TAFA4: variants seen among roughly 807,000 people sequenced by gnomAD.
TAFA4 encodes TAFA chemokine like family member 4.
In TAFA4, 20 loss-of-function variants were observed where a neutral mutation model predicts 21.1. That is an observed-to-expected ratio of 0.95 (90% CI 0.67 to 1.38). TAFA4 has a LOEUF of 1.38. TAFA4 is among the 40% of genes most tolerant of loss of function. TAFA4 has a pLI of 0.00. For missense variants in TAFA4, 211 were observed against 180.9 expected (o/e 1.17, Z -0.95); for synonymous variants, 71 against 67.4 (o/e 1.05, Z -0.26).
intron 3 of TAFA4, among the ~76,000 whole-genome samples, chr3:68,857,129 A>G (rs1432918149): frequency 2.0e-5 from 3 of 152,128 alleles, no homozygotes; most frequent in African/African-American, 7.2e-5. Context: ...TTATCCTTAT[A>G]TGTTCGAAAT....
At chr3:68,923,523 G>A (rs1366242324) in intron 1 of TAFA4, among the ~76,000 whole-genome samples, 1 of 152,094 alleles carries the variant, frequency 6.6e-6, no homozygotes, top group Non-Finnish European at 1.5e-5. Context: ...AGCAAAAATT[G>A]TCATGGCATT....
intron 3 of TAFA4, among the ~76,000 whole-genome samples, chr3:68,827,354 A>C (rs1308739601): frequency 6.6e-6 from 1 of 152,174 alleles, no homozygotes; most frequent in Non-Finnish European, 1.5e-5. Context: ...ATATGTGTGC[A>C]TATGTCTTTA....
chr3:68,844,812 A>G (rs1704746778), intron 3 of TAFA4, among the ~76,000 whole-genome samples: 1 of 152,174 alleles, frequency 6.6e-6, no homozygotes, highest in South Asian at 2.1e-4. Flanking sequence ...TTCAGTTTCC[A>G]TGCATTTGCG....
Position 68,793,485 on chromosome 3 carries a change from C to T in TAFA4, c.131-40467G>A, listed in dbSNP as rs146287513. 4.0e-3 allele frequency among the ~76,000 whole-genome samples: 612 copies of T among 152,272 alleles called. 3 individuals carry two copies. The highest frequency in any genetic ancestry group is 0.014 in the African/African-American group (594 of 41,548). ...GCAGCCCAATTTGGAAATCCAATTG[C>T]CGCTTATGCAATAATTAGTCAGAAA... On this transcript the variant is annotated intron_variant, in intron 3 of 5. Coordinates refer to ENST00000295569, the MANE Select transcript of TAFA4 (RefSeq NM_182522.5).
chr3:68,809,129 T>G (rs4855516), intron 3 of TAFA4, among the ~76,000 whole-genome samples: 1,775 of 152,078 alleles, frequency 0.012, 31 homozygotes, highest in Middle Eastern at 0.02. Context: ...TAGTTAACAA[T>G]TGCTTTCAAG....
Position 68,771,360 on chromosome 3 carries a change from C to T in TAFA4, c.131-18342G>A, listed in dbSNP as rs116989443. On this transcript the variant is annotated intron_variant, in intron 3 of 5. Coordinates refer to ENST00000295569, the MANE Select transcript of TAFA4 (RefSeq NM_182522.5). ...ACACATCCACTGGGGCTTCGGGAAT[C>T]GCAGACATGACACCCCTAGACACTG... 3.0e-4 allele frequency among the ~76,000 whole-genome samples: 46 copies of T among 152,330 alleles called. No individual in the cohort carries two copies. In the East Asian group the frequency reaches 5.0e-3, roughly 17 times the overall value.
intron 3 of TAFA4, among the ~76,000 whole-genome samples, chr3:68,804,368 T>C (rs182540074): frequency 1.1e-3 from 164 of 152,270 alleles, no homozygotes; most frequent in African/African-American, 3.8e-3. Context: ...AAAATGGTCA[T>C]ACTGCCCAAG....
intron 3 of TAFA4, among the ~76,000 whole-genome samples, chr3:68,820,277 C>T (rs2130439): frequency 0.45 from 68,318 of 151,920 alleles, 15,661 homozygotes; most frequent in African/African-American, 0.47. Context: ...TTGCCAGAGG[C>T]TGAGAGATAA....
At chr3:68,923,751 C>T (rs1463358158) in intron 1 of TAFA4, among the ~76,000 whole-genome samples, 1 of 152,148 alleles carries the variant, frequency 6.6e-6, no homozygotes, top group Non-Finnish European at 1.5e-5. Flanking sequence ...TTAGGGTAAA[C>T]ACACTTGTTA....
intron 1 of TAFA4, among the ~76,000 whole-genome samples, chr3:68,912,207 C>A (rs1323072075): frequency 2.6e-5 from 4 of 152,136 alleles, no homozygotes; most frequent in Non-Finnish European, 5.9e-5. Flanking sequence ...CCTGCCGGGG[C>A]CCCTTTAATC....
intron 3 of TAFA4, among the ~76,000 whole-genome samples, chr3:68,855,586 T>G (rs3943100): frequency 0.45 from 67,702 of 151,836 alleles, 15,519 homozygotes; most frequent in African/African-American, 0.5. Flanking sequence ...GTTTGATCCC[T>G]AAGACAAACT....
intron 3 of TAFA4, among the ~76,000 whole-genome samples, chr3:68,797,220 G>A (rs1703469384): frequency 6.6e-6 from 1 of 152,080 alleles, no homozygotes; most frequent in Admixed American, 6.6e-5. Context: ...TGATATTATT[G>A]CAATAGCCAA....
At chr3:68,841,239 C>G (rs1340133371) in intron 3 of TAFA4, among the ~76,000 whole-genome samples, 3 of 86,974 alleles carry the variant, frequency 3.4e-5, no homozygotes, top group African/African-American at 1.2e-4. Flanking sequence ...AGGAGAATGG[C>G]GTGAACCCGG....
In TAFA4 at chr3:68,813,541, T is replaced by C. The variant is rs889672639; in HGVS notation, c.131-60523A>G. Among the ~76,000 whole-genome samples the C allele has an allele frequency of 9.2e-5, 14 of 152,164 alleles. No homozygotes were observed. The South Asian group carries it at 2.9e-3, about 32-fold the overall frequency. On this transcript the variant is annotated intron_variant, in intron 3 of 5. Coordinates refer to ENST00000295569, the MANE Select transcript of TAFA4 (RefSeq NM_182522.5). ...CATCAGAGAATAGTATAAACACCTC[T>C]ATGCAAATAAACTAGAAAATCTAGA... is the stretch of plus-strand genomic sequence containing the variant.
chr3:68,885,560 C>G (rs1252247358), intron 1 of TAFA4, among the ~76,000 whole-genome samples: 1 of 152,104 alleles, frequency 6.6e-6, no homozygotes, highest in African/African-American at 2.4e-5. Context: ...CTTTCTGCAG[C>G]AGGAAGGGTA....
intron 1 of TAFA4, among the ~76,000 whole-genome samples, chr3:68,916,973 G>T (rs1283851220): frequency 6.6e-6 from 1 of 152,196 alleles, no homozygotes; most frequent in African/African-American, 2.4e-5. Context: ...ATTCTGTACA[G>T]CTTGTGTCTT....
At chr3:68,812,699 G>C (rs1233350363) in intron 3 of TAFA4, among the ~76,000 whole-genome samples, 1 of 152,148 alleles carries the variant, frequency 6.6e-6, no homozygotes, top group African/African-American at 2.4e-5. Context: ...CCTAGAAAGA[G>C]ATTTAGACTG....
chr3:68,819,272 A>ATT (rs1260422771), intron 3 of TAFA4, among the ~76,000 whole-genome samples: 1 of 75,950 alleles, frequency 1.3e-5, no homozygotes. Context: ...CCTGTCTTTA[A>ATT]TTAAAAAAAA....
intron 3 of TAFA4, among the ~76,000 whole-genome samples, chr3:68,845,408 G>C (rs1467244572): frequency 6.6e-6 from 1 of 151,684 alleles, no homozygotes; most frequent in African/African-American, 2.4e-5. Flanking sequence ...TTGAGCCTTT[G>C]AACCTTTGCA....
Sources: gnomAD v4.1 joint callset for allele counts (sites outside exome capture counted in the v4.1 genomes callset) on GRCh38, gnomAD v4.1.1 for gene constraint, MANE v1.5 for transcripts, NCBI Gene and HGNC (gene_info 2026-07-23, HGNC 2026-07-21) for gene names.